Variants in KCNQ3 observed in about 807,000 individuals in gnomAD.
KCNQ3 encodes potassium voltage-gated channel subfamily Q member 3.
In KCNQ3, 30 loss-of-function variants were observed where a neutral mutation model predicts 92.5. The observed-to-expected ratio is 0.32, with a 90% confidence interval of 0.24 to 0.44. KCNQ3 has a LOEUF of 0.44. Ranked by LOEUF, KCNQ3 falls within the 20% of genes least tolerant of loss-of-function variation. The pLI, the probability that KCNQ3 is intolerant of heterozygous loss-of-function variation, is 1.00. For synonymous variants in KCNQ3, 450 were observed against 468.8 expected, an observed-to-expected ratio of 0.96 and a Z score of 0.52; for missense variants, 913 against 1,140.3, an observed-to-expected ratio of 0.80 and a Z score of 2.87.
At chr8:132,397,157 C>A (rs1345724292) in intron 1 of KCNQ3, among the ~76,000 whole-genome samples, 1 of 152,110 alleles carries the variant, frequency 6.6e-6, no homozygotes, top group Non-Finnish European at 1.5e-5. Context: ...GGGCTAATAT[C>A]GCATTTTACC....
At chr8:132,465,638 GC>G (rs1375922198) in intron 1 of KCNQ3, among the ~76,000 whole-genome samples, 1 of 152,208 alleles carries the variant, frequency 6.6e-6, no homozygotes, top group Non-Finnish European at 1.5e-5. Flanking sequence ...CAGCTACTCG[GC>G]AGGCTGAGGC....
chr8:132,228,365 GTTA>G (rs1204206750), intron 1 of KCNQ3, among the ~76,000 whole-genome samples: 1 of 152,014 alleles, frequency 6.6e-6, no homozygotes, highest in African/African-American at 2.4e-5. Flanking sequence ...CATTCACTGA[GTTA>G]TTGAGAGAGA....
intron 1 of KCNQ3, among the ~76,000 whole-genome samples, chr8:132,284,628 A>G (rs904647418): frequency 6.6e-6 from 1 of 152,204 alleles, no homozygotes; most frequent in Non-Finnish European, 1.5e-5. Context: ...AATTTTCTAG[A>G]GAGATTTTAT....
chr8:132,424,400 G>A (rs537493821), intron 1 of KCNQ3, among the ~76,000 whole-genome samples: 2 of 151,994 alleles, frequency 1.3e-5, no homozygotes, highest in Non-Finnish European at 2.9e-5. Flanking sequence ...TTCCCATTTT[G>A]TACTCCCATC....
chr8:132,468,704 G>C (rs1161851373), intron 1 of KCNQ3, among the ~76,000 whole-genome samples: 1 of 152,200 alleles, frequency 6.6e-6, no homozygotes, highest in Non-Finnish European at 1.5e-5. Context: ...TTACACTCTT[G>C]CAGAGTGCAG....
chr8:132,246,496 T>G (rs948398126), intron 1 of KCNQ3, among the ~76,000 whole-genome samples: 9 of 152,218 alleles, frequency 5.9e-5, no homozygotes, highest in Non-Finnish European at 1.0e-4. Flanking sequence ...AAACAACACT[T>G]TAAATCATTA....
intron 1 of KCNQ3, among the ~76,000 whole-genome samples, chr8:132,230,449 CAGAGAGAGAGAGAGAGAGAG>C (rs5895132): frequency 7.0e-6 from 1 of 142,362 alleles, no homozygotes; most frequent in East Asian, 2.1e-4. Flanking sequence ...GAGAGAGAGA[CAGAGAGAGAGAGAGAGAGAG>C]AGAGAGAGAG....
chr8:132,421,259 T>C (rs1820958549), intron 1 of KCNQ3, among the ~76,000 whole-genome samples: 1 of 152,194 alleles, frequency 6.6e-6, no homozygotes, highest in Non-Finnish European at 1.5e-5. Context: ...GAGGGGCACA[T>C]AGAAGCTCTC....
At chr8:132,474,678 T>G (rs929812102) in intron 1 of KCNQ3, among the ~76,000 whole-genome samples, 7 of 152,200 alleles carry the variant, frequency 4.6e-5, no homozygotes, top group South Asian at 2.1e-4. Context: ...GCTTACTTAG[T>G]ACCTACCATG....
chr8:132,388,583 G>A (rs1819961394), intron 1 of KCNQ3, among the ~76,000 whole-genome samples: 1 of 152,072 alleles, frequency 6.6e-6, no homozygotes, highest in Non-Finnish European at 1.5e-5. Flanking sequence ...AGCATGTATA[G>A]CATGACTTAG....
chr8:132,465,064 G>A (rs1563921134), intron 1 of KCNQ3, among the ~76,000 whole-genome samples: 1 of 152,118 alleles, frequency 6.6e-6, no homozygotes, highest in Non-Finnish European at 1.5e-5. Context: ...AAATCTCAAC[G>A]TTTCCTTTCG....
intron 1 of KCNQ3, among the ~76,000 whole-genome samples, chr8:132,405,831 G>A (rs1477738498): frequency 6.6e-6 from 1 of 152,160 alleles, no homozygotes; most frequent in Admixed American, 6.5e-5. Flanking sequence ...AAAGATGGAG[G>A]AGGAGAATAA....
chr8:132,421,517 G>A (rs576832841), intron 1 of KCNQ3, among the ~76,000 whole-genome samples: 1 of 152,176 alleles, frequency 6.6e-6, no homozygotes, highest in East Asian at 1.9e-4. Context: ...TGACCAAAAT[G>A]ATGCTGCCTG....
chr8:132,222,748 A>G (rs1185496692), intron 1 of KCNQ3, among the ~76,000 whole-genome samples: 1 of 152,266 alleles, frequency 6.6e-6, no homozygotes, highest in African/African-American at 2.4e-5. Context: ...GATGAAGGAC[A>G]GTCAGTTTCA....
intron 1 of KCNQ3, among the ~76,000 whole-genome samples, chr8:132,257,779 C>G (rs1042799772): frequency 3.5e-5 from 5 of 141,358 alleles, no homozygotes; most frequent in African/African-American, 1.3e-4. Flanking sequence ...GAGAGAGAGA[C>G]AGTTTAGATT....
chr8:132,377,537 C>T (rs1483744725), intron 1 of KCNQ3, among the ~76,000 whole-genome samples: 1 of 152,170 alleles, frequency 6.6e-6, no homozygotes, highest in East Asian at 1.9e-4. Context: ...GTCCGCAGGC[C>T]TCCCAACCCA....
intron 1 of KCNQ3, among the ~76,000 whole-genome samples, chr8:132,265,516 C>T (rs1054749575): frequency 1.3e-5 from 2 of 152,234 alleles, no homozygotes; most frequent in African/African-American, 4.8e-5. Flanking sequence ...AGCTGCTCCT[C>T]CTAAGCCCTA....
At chr8:132,435,014 T>C (rs1446949412) in intron 1 of KCNQ3, among the ~76,000 whole-genome samples, 1 of 152,182 alleles carries the variant, frequency 6.6e-6, no homozygotes, top group Non-Finnish European at 1.5e-5. Flanking sequence ...AAAGGATTCA[T>C]TCATTCTATA....
At chr8:132,401,273 A>T (rs1237607923) in intron 1 of KCNQ3, among the ~76,000 whole-genome samples, 4 of 152,178 alleles carry the variant, frequency 2.6e-5, no homozygotes, top group Non-Finnish European at 5.9e-5. Context: ...GAATCTTATG[A>T]AATCCACTCC....
Sources: allele counts gnomAD v4.1 joint callset (sites outside exome capture counted in the v4.1 genomes callset), GRCh38; gene constraint gnomAD v4.1.1; transcripts MANE v1.5; gene names NCBI Gene and HGNC (gene_info 2026-07-23, HGNC 2026-07-21).